Variants in TRIQK observed in about 807,000 individuals in gnomAD.
TRIQK encodes triple QxxK/R motif-containing protein.
A neutral mutation model predicts 10.8 loss-of-function variants in TRIQK; 10 were observed. The ratio of observed to expected loss-of-function variants is 0.92; its 90% CI spans 0.57 to 1.57. TRIQK has a LOEUF of 1.57. TRIQK is among the 40% of genes most tolerant of loss of function. TRIQK has a pLI of 0.00. For synonymous variants in TRIQK, 33 were observed against 33.7 expected (o/e 0.98, Z 0.07); for missense variants, 107 against 97.7 (o/e 1.09, Z -0.40).
intron 3 of TRIQK, among the ~76,000 whole-genome samples, chr8:92,910,011 A>G (rs2130409618): frequency 6.6e-6 from 1 of 151,754 alleles, no homozygotes; most frequent in African/African-American, 2.4e-5. Flanking sequence ...AAATGATAAA[A>G]TACTCAAATT....
intron 1 of TRIQK, among the ~76,000 whole-genome samples, chr8:93,013,645 G>T (rs954582616): frequency 1.8e-5 from 2 of 112,142 alleles, no homozygotes; most frequent in Non-Finnish European, 3.9e-5. Flanking sequence ...ATACAACTAA[G>T]AATATAAATA....
At chr8:92,994,876 AC>A (rs1813136752) in intron 1 of TRIQK, among the ~76,000 whole-genome samples, 1 of 151,796 alleles carries the variant, frequency 6.6e-6, no homozygotes, top group South Asian at 2.1e-4. Context: ...AGAGTTTAGA[AC>A]TTTTATTCTA....
At chr8:93,008,312 TAAA>T (rs998943871) in intron 1 of TRIQK, among the ~76,000 whole-genome samples, 1 of 152,140 alleles carries the variant, frequency 6.6e-6, no homozygotes, top group Non-Finnish European at 1.5e-5. Flanking sequence ...ATTAAAATTT[TAAA>T]AATTGTTGAA....
intron 1 of TRIQK, among the ~76,000 whole-genome samples, chr8:92,990,006 TA>T (rs1251904425): frequency 1.4e-4 from 22 of 152,204 alleles, no homozygotes; most frequent in Non-Finnish European, 2.2e-4. Flanking sequence ...ATAAGTGATT[TA>T]AAAAAATACT....
upstream of TRIQK, among the ~76,000 whole-genome samples, chr8:92,968,735 C>A (rs902520772): frequency 6.6e-6 from 1 of 152,062 alleles, no homozygotes; most frequent in Non-Finnish European, 1.5e-5. Context: ...CAAAAGGTTT[C>A]TCCCATTCTG....
In TRIQK at chr8:92,892,082, G is replaced by T. The variant is rs200843091; in HGVS notation, c.62-8C>A. On this transcript the variant is annotated splice_polypyrimidine_tract_variant and splice_region_variant and intron_variant, in intron 3 of 4. Transcript: ENST00000521988. Reference sequence around the variant, plus strand: ...TTTTATAATCCTGTTTACCTAGAAAGAAATAGTTTCAGACAATGAGTTATG... The same window carrying T: ...TTTTATAATCCTGTTTACCTAGAAATAAATAGTTTCAGACAATGAGTTATG... 6.7e-6 allele frequency: 10 copies of T among 1,486,640 alleles called. No individual in the cohort carries two copies. The highest frequency in any genetic ancestry group is 9.1e-7 in the Non-Finnish European group (1 of 1,104,476). The allele number at this position is 1,486,640 out of a possible 1,614,324, so 92.1% of individuals were successfully genotyped here. A position where few individuals can be genotyped will look rare whatever the true frequency, so the allele number is the denominator to read the frequency against.
intron 1 of TRIQK, among the ~76,000 whole-genome samples, chr8:92,989,206 G>A (rs144145729): frequency 2.6e-5 from 4 of 152,248 alleles, no homozygotes; most frequent in African/African-American, 9.6e-5. Flanking sequence ...TAAATTTTAG[G>A]TGTATCAAAC....
intron 2 of TRIQK, among the ~76,000 whole-genome samples, chr8:92,924,108 A>C (rs1810323279): frequency 6.6e-6 from 1 of 152,034 alleles, no homozygotes; most frequent in African/African-American, 2.4e-5. Context: ...CTAAACGTGA[A>C]GCTATAGTTA....
chr8:92,950,965 C>T (rs1157307352), intron 2 of TRIQK, among the ~76,000 whole-genome samples: 1 of 152,110 alleles, frequency 6.6e-6, no homozygotes, highest in Non-Finnish European at 1.5e-5. Flanking sequence ...GAATTCCTTA[C>T]ATAAAATGGT....
chr8:92,988,564 G>T (rs2130748374), intron 1 of TRIQK, among the ~76,000 whole-genome samples: 1 of 152,228 alleles, frequency 6.6e-6, no homozygotes, highest in Non-Finnish European at 1.5e-5. Context: ...TTTGATCAGT[G>T]ATTCCACTCA....
intron 3 of TRIQK, among the ~76,000 whole-genome samples, chr8:92,901,237 C>T (rs368184335): frequency 7.8e-4 from 119 of 152,158 alleles, no homozygotes; most frequent in African/African-American, 2.8e-3. Context: ...GATGTCCTTT[C>T]TTTCTTTTGT....
chr8:92,988,707 A>G (rs1230175188), intron 1 of TRIQK, among the ~76,000 whole-genome samples: 1 of 152,188 alleles, frequency 6.6e-6, no homozygotes, highest in African/African-American at 2.4e-5. Flanking sequence ...TTTGGCCCGC[A>G]TATCAGTTTT....
chr8:92,902,834 C>T (rs988216905), intron 3 of TRIQK, among the ~76,000 whole-genome samples: 2 of 151,724 alleles, frequency 1.3e-5, no homozygotes, highest in Non-Finnish European at 2.9e-5. Context: ...TTTTGTTGCT[C>T]TTTCATTTTC....
chr8:92,967,800 C>T (rs1586516844), upstream of TRIQK, among the ~76,000 whole-genome samples: 1 of 106,126 alleles, frequency 9.4e-6, no homozygotes, highest in African/African-American at 3.7e-5. Flanking sequence ...CCAGCCTGGG[C>T]AACTGAGTGG....
chr8:93,014,852 T>G (rs966607283), intron 1 of TRIQK, among the ~76,000 whole-genome samples: 23 of 152,094 alleles, frequency 1.5e-4, no homozygotes, highest in African/African-American at 5.5e-4. Flanking sequence ...TATTGAAGTC[T>G]GAAATGATTT....
At chr8:93,001,401 C>A (rs189180771) in intron 1 of TRIQK, among the ~76,000 whole-genome samples, 4 of 151,218 alleles carry the variant, frequency 2.6e-5, no homozygotes, top group Non-Finnish European at 5.9e-5. Flanking sequence ...TCACTTCATC[C>A]GTAAGGACAC....
chr8:93,010,273 C>T (rs1385089373), intron 1 of TRIQK, among the ~76,000 whole-genome samples: 1 of 152,022 alleles, frequency 6.6e-6, no homozygotes, highest in South Asian at 2.1e-4. Context: ...TTTGAATGAT[C>T]TCACTACACA....
At chr8:93,015,385 C>T (rs1182482634) in intron 1 of TRIQK, among the ~76,000 whole-genome samples, 1 of 151,558 alleles carries the variant, frequency 6.6e-6, no homozygotes. Flanking sequence ...AAATAATTAA[C>T]CCTTTTCCCC....
chr8:93,014,955 T>G (rs1813369318), intron 1 of TRIQK, among the ~76,000 whole-genome samples: 1 of 152,064 alleles, frequency 6.6e-6, no homozygotes, highest in African/African-American at 2.4e-5. Context: ...TAATGTGTTA[T>G]TTACTTGTGG....
Sources: gnomAD v4.1 joint callset for allele counts (sites outside exome capture counted in the v4.1 genomes callset) on GRCh38, gnomAD v4.1.1 for gene constraint, MANE v1.5 for transcripts, NCBI Gene and HGNC (gene_info 2026-07-23, HGNC 2026-07-21) for gene names.